Variants in LRIT2 observed in about 807,000 individuals in gnomAD.
LRIT2 encodes the protein leucine-rich repeat, immunoglobulin-like domain and transmembrane domain-containing protein 2.
LRIT2 carries 23 observed loss-of-function variants against 22.4 expected under a neutral mutation model. That is an observed-to-expected ratio of 1.03 (90% CI 0.74 to 1.45). The LOEUF (loss-of-function observed/expected upper bound fraction) is 1.45. Ranked by LOEUF, LRIT2 falls within the 40% of genes most tolerant of loss-of-function variation. The pLI, the probability that LRIT2 is intolerant of heterozygous loss-of-function variation, is 0.00. For synonymous variants in LRIT2, 291 were observed against 267.1 expected (o/e 1.09, Z -0.87); for missense variants, 784 against 665.6 (o/e 1.18, Z -1.96).
In LRIT2 at chr10:84,222,692, GA is replaced by G; in HGVS notation, c.893-13del. The stretch of plus-strand genomic sequence containing the variant: ...AGAAGATGTCAACACTGGGTGGAAA[GA>G]AAAACAAAACAGCTGTGCATTTATC... On this transcript the variant is annotated splice_polypyrimidine_tract_variant and intron_variant, in intron 2 of 2. Transcript: ENST00000372113. 1 of 1,612,052 alleles carries G rather than the reference GA, an allele frequency of 6.2e-7. No homozygotes were observed. The highest frequency in any genetic ancestry group is 8.5e-7 in the Non-Finnish European group (1 of 1,178,348).
At chr10:84,222,970 C>T (rs1842527337) in intron 2 of LRIT2, 2 of 663,736 alleles carry the variant, frequency 3.0e-6, no homozygotes, top group East Asian at 2.7e-5. Flanking sequence ...GGACCTGGCT[C>T]TTCAATCTAT....
Position 84,222,156 on chromosome 10 carries a change from C to G in LRIT2, c.1417G>C (p.Val473Leu), listed in dbSNP as rs772847925. The change falls in exon 3 of 3, where the codon GTG (valine) becomes CTG (leucine). Residue 473 changes from valine to leucine, a missense_variant. Physicochemically the swap from Val to Leu is conservative, Grantham distance 32. Transcript: ENST00000372113. ...GCGCCCACAGGCACTGCAAGCAGCA[C>G]CACACACAGGACCACTGTGACATGC... is the stretch of plus-strand genomic sequence containing the variant. ...LLHVTVVLCV[V>L]LLAVPVGAYA... is the part of the protein sequence containing the mutation. 1 of 1,613,696 alleles carries G rather than the reference C, an allele frequency of 6.2e-7. No individual in the cohort carries two copies. The highest frequency in any genetic ancestry group is 8.5e-7 in the Non-Finnish European group (1 of 1,179,762).
chr10:84,225,206 A>G, intron 1 of LRIT2, 92 bp from the exon 2 acceptor site: 1 of 1,298,050 alleles, frequency 7.7e-7, no homozygotes, highest in Non-Finnish European at 1.1e-6. Context: ...GTGAATCAGA[A>G]TAAAAATATT....
At position 84,224,789 on chromosome 10, in the gene LRIT2, C is replaced by A; in HGVS notation, c.436G>T (p.Ala146Ser). 1 of 1,613,992 alleles carries A rather than the reference C, an allele frequency of 6.2e-7. No homozygotes were observed. ...GTCAGGCTGACCAAGAATTGAAGAG[C>A]CAGCTCAGGGAGTGCATCAATCTTG... ...RNKIDALPEL[A>S]LQFLVSLTYL... The change falls in exon 2 of 3, where the codon GCT becomes TCT. Residue 146 changes from alanine to serine, a missense_variant. Ala to Ser is a moderately conservative substitution (Grantham distance 99). Coordinates refer to ENST00000372113, the MANE Select transcript of LRIT2 (RefSeq NM_001017924.5).
chr10:84,225,319 T>C, intron 1 of LRIT2, 92 bp downstream of exon 1: 1 of 1,438,548 alleles, frequency 7.0e-7, no homozygotes, highest in Non-Finnish European at 9.4e-7. Flanking sequence ...TTTGCTGATT[T>C]CCTGCCAATT....
At chr10:84,222,821 C>T (rs767789387) in intron 2 of LRIT2, 141 bp from the exon 3 acceptor site, 3 of 934,528 alleles carry the variant, frequency 3.2e-6, no homozygotes, top group Non-Finnish European at 5.1e-6. Context: ...TCTTATGAAC[C>T]TCGTACCTGG....
Position 84,224,328 on chromosome 10 carries a change from C to T in LRIT2, c.892+5G>A. The T allele has an allele frequency of 1.2e-6, 2 of 1,606,308 alleles. No homozygotes were observed. The highest frequency in any genetic ancestry group is 1.7e-6 in the Non-Finnish European group (2 of 1,175,846). ...AGATACACTGAGAGGGTGCATGTGG[C>T]TTACCATCAAATTCTCTCCACATAC... On this transcript the variant is annotated splice_donor_5th_base_variant and intron_variant, in intron 2 of 2. Transcript: ENST00000372113.
rs750188057 is a variant in LRIT2, at chr10:84,221,958, C to A, written c.1615G>T (p.Gly539Trp). 6.5e-7 allele frequency: 1 copy of A among 1,546,918 alleles called. No homozygotes were observed. The highest frequency in any genetic ancestry group is 8.7e-7 in the Non-Finnish European group (1 of 1,145,186). Residue 539 changes from glycine (G) to tryptophan (W), a missense_variant, in exon 3 of 3, where the codon GGG (glycine) becomes TGG (tryptophan). Transcript: ENST00000372113. ...DDGEGHIDTE[G>W]DKEKGGTEDN... The stretch of plus-strand genomic sequence containing the variant: ...TCCGTTCCTCCTTTCTCCTTGTCCC[C>A]CTCAGTGTCTATGTGCCCTTCACCG...
rs761173206 is a variant in LRIT2, at chr10:84,224,581, AC to A, written c.643del (p.Val215SerfsTer11). 1 of 1,613,686 alleles carries A rather than the reference AC, an allele frequency of 6.2e-7. No individual in the cohort carries two copies. The highest frequency in any genetic ancestry group is 1.3e-5 in the African/African-American group (1 of 75,020). ...GATGACTGGGAGGGTAATGGACTTG[AC>A]AAACTGGACAAGCCCCCTTAGGCGA... is the stretch of plus-strand genomic sequence containing the variant. ...DCRLRGLVQFVKSITLPVILV... is the reference protein window; with the variant it reads ...DCRLRGLVQFXKSITLPVILV... On this transcript the variant is annotated frameshift_variant, in exon 2 of 3. Transcript: ENST00000372113. LOFTEE classifies it high-confidence loss of function.
intron 2 of LRIT2, 39 bp from the exon 3 acceptor site, chr10:84,222,719 T>C (rs375781303): frequency 6.2e-7 from 1 of 1,608,480 alleles, no homozygotes; most frequent in Non-Finnish European, 8.5e-7. Flanking sequence ...TGCATTTATC[T>C]GATAGACTGC....
Position 84,225,401 on chromosome 10 carries a change from C to G in LRIT2, c.110+10G>C. On this transcript the variant is annotated intron_variant, in intron 1 of 2. Transcript: ENST00000372113. ...CCATAACCCTCTAACATCTGGCCAG[C>G]AGAGCGCACCTGCCAAAACTCTCCT... 6.2e-7 allele frequency: 1 copy of G among 1,613,292 alleles called. No homozygotes were observed. The highest frequency in any genetic ancestry group is 8.5e-7 in the Non-Finnish European group (1 of 1,179,748).
Position 84,225,033 on chromosome 10 carries a change from A to AG in LRIT2, c.191_192insC (p.Ser65PhefsTer5). 1 of 1,613,920 alleles carries AG rather than the reference A, an allele frequency of 6.2e-7. No homozygotes were observed. Among genetic ancestry groups the AG allele is most frequent in the Non-Finnish European group, 8.5e-7 (1 of 1,179,982 alleles). ...CTTGGGGCATCTCAAATAAGGGTGA[A>AG]TTTTCAATTCTCACTTGCTTGAACT... On this transcript the variant is annotated frameshift_variant, in exon 2 of 3. Coordinates refer to ENST00000372113, the MANE Select transcript of LRIT2 (RefSeq NM_001017924.5). LOFTEE classifies it high-confidence loss of function.
rs1589315661 is a variant in LRIT2 at position 84,222,074 on chromosome 10, C to T, written c.1499G>A (p.Cys500Tyr). 1 of 1,610,254 alleles carries T rather than the reference C, an allele frequency of 6.2e-7. No homozygotes were observed. The highest frequency in any genetic ancestry group is 2.2e-5 in the East Asian group (1 of 44,814). ...CSCSKWVLRG[C>Y]LHRRKAPSCT... ...GCTGGGGGCTTTCCTGCGATGAAGA[C>T]AGCCGCGCAGGACCCACTTGCTGCA... The change falls in exon 3 of 3, where the codon TGT (cysteine) becomes TAT (tyrosine). Residue 500 changes from cysteine (C) to tyrosine (Y), a missense_variant. By Grantham distance (194) the Cys-to-Tyr change is radical (BLOSUM62 -2). Transcript: ENST00000372113.
chr10:84,223,541 C>A (rs1388535923), intron 2 of LRIT2, among the ~76,000 whole-genome samples: 1 of 148,704 alleles, frequency 6.7e-6, no homozygotes, highest in African/African-American at 2.4e-5. Flanking sequence ...ATAACAAATA[C>A]CTGGGCAAAT....
At chr10:84,223,083 G>C (rs1387143293) in intron 2 of LRIT2, among the ~76,000 whole-genome samples, 1 of 152,190 alleles carries the variant, frequency 6.6e-6, no homozygotes, top group Non-Finnish European at 1.5e-5. Flanking sequence ...GTGATTGTAC[G>C]ATATTATGAG....
chr10:84,221,040 AG>A lies in LRIT2; in HGVS notation c.*879del, dbSNP rs1214520289. Reference sequence around the variant, plus strand: ...CCTCCATTCCACATGGGTCCGGCTAAGAGGAAATGACCACCTCTCATGGATT... The same window carrying A: ...CCTCCATTCCACATGGGTCCGGCTAAAGGAAATGACCACCTCTCATGGATT... On this transcript the variant is annotated 3_prime_UTR_variant, in exon 3 of 3. Transcript: ENST00000372113. The A allele has an allele frequency of 6.6e-6, 1 of 152,254 alleles. No individual in the cohort carries two copies. The highest frequency in any genetic ancestry group is 1.5e-5 in the Non-Finnish European group (1 of 68,076). The allele number at this position is 152,254 out of a possible 1,614,324, so 9.4% of individuals were successfully genotyped here.
At chr10:84,222,726 C>T in intron 2 of LRIT2, 46 bp from the exon 3 acceptor site, 1 of 1,607,066 alleles carries the variant, frequency 6.2e-7, no homozygotes, top group Non-Finnish European at 8.5e-7. Flanking sequence ...ATCTGATAGA[C>T]TGCTGGAAAG....
Position 84,224,723 on chromosome 10 carries a change from T to C in LRIT2, c.502A>G (p.Lys168Glu). 6.2e-7 allele frequency: 1 copy of C among 1,614,156 alleles called. No individual in the cohort carries two copies. The highest frequency in any genetic ancestry group is 8.5e-7 in the Non-Finnish European group (1 of 1,180,020). ...GCTGGCCAGTTCAGGAAGACACTCT[T>C]GGATACAACTGTAAGCCTATTGGAG... ...LSSNRLTVVSKSVFLNWPAYQ... is the reference protein window; with the variant it reads ...LSSNRLTVVSESVFLNWPAYQ... Residue 168 changes from lysine (K) to glutamate (E), a missense_variant, in exon 2 of 3, where the codon AAG becomes GAG. Coordinates refer to ENST00000372113, the MANE Select transcript of LRIT2 (RefSeq NM_001017924.5).
chr10:84,224,287 C>T (rs749846688), intron 2 of LRIT2, 46 bp downstream of exon 2: 125 of 1,558,834 alleles, frequency 8.0e-5, no homozygotes, highest in Non-Finnish European at 1.1e-4. Context: ...TTGCTACAGA[C>T]CTCTCCATTC....
Sources: gnomAD v4.1 joint callset for allele counts (sites outside exome capture counted in the v4.1 genomes callset) on GRCh38, gnomAD v4.1.1 for gene constraint, MANE v1.5 for transcripts, NCBI Gene and HGNC (gene_info 2026-07-23, HGNC 2026-07-21) for gene names.